The following DHX16 variants were observed in gnomAD, a reference collection of about 807,000 sequenced individuals.
DHX16 encodes the protein DEAH-box helicase 16.
In DHX16, 81 loss-of-function variants were observed where a neutral mutation model predicts 131.2. The ratio of observed to expected loss-of-function variants is 0.62; its 90% CI spans 0.52 to 0.74. The LOEUF (loss-of-function observed/expected upper bound fraction) is 0.74, where lower values mean the gene tolerates loss of function less well. Ranked by LOEUF, DHX16 falls within the 30% of genes least tolerant of loss-of-function variation. DHX16 has a pLI of 0.00. For synonymous variants in DHX16, 440 were observed against 520.2 expected (o/e 0.85, Z 2.10); for missense variants, 980 against 1,363.1 (o/e 0.72, Z 4.43).
intron 4 of DHX16, among the ~76,000 whole-genome samples, chr6:30,669,702 G>GT (rs1769353641): frequency 6.7e-6 from 1 of 148,380 alleles, no homozygotes; most frequent in African/African-American, 2.5e-5. Context: ...TCCAGCCTCG[G>GT]TGACAGGGCA....
Position 30,670,928 on chromosome 6 carries a change from C to T in DHX16, c.471G>A (p.Lys157=), listed in dbSNP as rs1255140068. ...GTTCCCACTCATCTTCCGACTCTGG[C>T]TTCTCTGTCTGCTGTTTACTCCCCC... ...KTGGSKQQTE[K]PESEDEWERT... is the part of the protein sequence containing the mutation. The change falls in exon 3 of 20, where the codon AAG becomes AAA. Residue 157 remains lysine, a synonymous_variant. Transcript: ENST00000376442. This position sits in a 1 kb window ranked among gnomAD's most constrained non-coding sequence, Gnocchi z 4.4. 7 of 1,612,972 alleles carry T rather than the reference C, an allele frequency of 4.3e-6. No homozygotes were observed. The Admixed American group carries it at 1.2e-4, about 27-fold the overall frequency.
intron 7 of DHX16, 22 bp downstream of exon 7, chr6:30,664,779 C>A: frequency 6.3e-7 from 1 of 1,597,058 alleles, no homozygotes; most frequent in Non-Finnish European, 8.6e-7. Flanking sequence ...CCCTGGCAAG[C>A]TGAAGGGTGA....
At chr6:30,657,612 C>T (rs75967608) in intron 12 of DHX16, among the ~76,000 whole-genome samples, 7,339 of 152,150 alleles carry the variant, frequency 0.048, 358 homozygotes, top group African/African-American at 0.12. Flanking sequence ...CTGACCTCAT[C>T]TGCTAGCACT....
chr6:30,660,262 G>C lies in DHX16; in HGVS notation c.1545-20C>G. 1 of 1,514,496 alleles carries C rather than the reference G, an allele frequency of 6.6e-7. No individual in the cohort carries two copies. Among genetic ancestry groups the C allele is most frequent in the Non-Finnish European group, 8.8e-7 (1 of 1,130,640 alleles). 93.8% of individuals were successfully genotyped at this position (1,514,496 alleles called of 1,614,324 possible). The stretch of plus-strand genomic sequence containing the variant: ...ACCACGCTGGGGAGGGAATAGGAGA[G>C]CAATGAGGGAAGAGCGCTAGGCAAT... On this transcript the variant is annotated intron_variant, in intron 9 of 19. Coordinates refer to ENST00000376442, the MANE Select transcript of DHX16 (RefSeq NM_003587.5).
At chr6:30,659,855 G>C (rs1195746720) in intron 10 of DHX16, 21 bp from the exon 11 acceptor site, 1 of 1,611,786 alleles carries the variant, frequency 6.2e-7, no homozygotes, top group South Asian at 1.1e-5. Context: ...GAAAGAGATG[G>C]GGTCACAGGA....
chr6:30,659,450 A>G, intron 12 of DHX16, 22 bp downstream of exon 12: 1 of 1,571,464 alleles, frequency 6.4e-7, no homozygotes, highest in Non-Finnish European at 8.6e-7. Flanking sequence ...AGGGGTGAAG[A>G]GTGTGGGTTT....
chr6:30,665,558 C>A lies in DHX16; in HGVS notation c.842G>T (p.Arg281Leu), dbSNP rs747759140. The A allele has an allele frequency of 6.2e-7, 1 of 1,612,960 alleles. No homozygotes were observed. The highest frequency in any genetic ancestry group is 1.1e-5 in the South Asian group (1 of 91,094). ...KYKRRVRDLA[R>L]EYRAAGEQEK... The stretch of plus-strand genomic sequence containing the variant: ...CTGCTCCCCAGCTGCCCGGTACTCC[C>A]GGGCGAGATCCCGCACTCGCCGCTT... Residue 281 changes from arginine to leucine, a missense_variant, in exon 5 of 20, where the codon CGG becomes CTG. Coordinates refer to ENST00000376442, the MANE Select transcript of DHX16 (RefSeq NM_003587.5). This position sits in a 1 kb window ranked among gnomAD's most constrained non-coding sequence, Gnocchi z 4.8.
At chr6:30,669,744 T>TAAAA (rs953317689) in intron 4 of DHX16, among the ~76,000 whole-genome samples, 4 of 113,812 alleles carry the variant, frequency 3.5e-5, no homozygotes, top group Non-Finnish European at 7.0e-5. Flanking sequence ...AAAAAAGGTT[T>TAAAA]AAAAAAAAAA....
chr6:30,660,193 G>C lies in DHX16; in HGVS notation c.1594C>G (p.Leu532Val), dbSNP rs2127583385. The C allele has an allele frequency of 6.4e-7, 1 of 1,564,982 alleles. No homozygotes were observed. Among genetic ancestry groups the C allele is most frequent in the East Asian group, 2.3e-5 (1 of 44,368 alleles). The change falls in exon 10 of 20, where the codon CTC becomes GTC. Residue 532 changes from leucine (L) to valine (V), a missense_variant. Physicochemically the swap from Leu to Val is conservative, Grantham distance 32. Coordinates refer to ENST00000376442, the MANE Select transcript of DHX16 (RefSeq NM_003587.5). ...AHERTLHTDI[L>V]FGLIKDVARF... ...GCAACATCCTTGATCAATCCAAAGAGAATGTCTGTGTGTAGGGTCCTTTCG... is the reference window on the plus strand; with the variant it reads ...GCAACATCCTTGATCAATCCAAAGACAATGTCTGTGTGTAGGGTCCTTTCG...
Position 30,665,595 on chromosome 6 carries a change from C to T in DHX16, c.805G>A (p.Glu269Lys), listed in dbSNP as rs370408566. Residue 269 changes from glutamate to lysine, a missense_variant, in exon 5 of 20, where the codon GAG becomes AAG. Glu to Lys is a moderately conservative substitution (Grantham distance 56). Coordinates refer to ENST00000376442, the MANE Select transcript of DHX16 (RefSeq NM_003587.5). The surrounding 1 kb of genome is among the most constrained non-coding windows in gnomAD (Gnocchi z 4.8). ...DVELSRHERQ[E>K]LKYKRRVRDL... Reference sequence around the variant, plus strand: ...CGCACTCGCCGCTTATATTTGAGCTCCTGCCGCTCGTGCCGGCTCAGCTCC... The same window carrying T: ...CGCACTCGCCGCTTATATTTGAGCTTCTGCCGCTCGTGCCGGCTCAGCTCC... The T allele has an allele frequency of 2.8e-5, 45 of 1,612,900 alleles. No individual in the cohort carries two copies. The highest frequency in any genetic ancestry group is 3.7e-5 in the Non-Finnish European group (44 of 1,180,030).
chr6:30,654,304 A>G (rs924225188), intron 19 of DHX16, among the ~76,000 whole-genome samples: 1 of 151,956 alleles, frequency 6.6e-6, no homozygotes, highest in African/African-American at 2.4e-5. Context: ...ATGGTGGCTC[A>G]CACCTGTAAT....
Position 30,662,803 on chromosome 6 carries a change from G to A in DHX16, c.1429-61C>T. On this transcript the variant is annotated intron_variant, in intron 8 of 19. Transcript: ENST00000376442. This position sits in a 1 kb window ranked among gnomAD's most constrained non-coding sequence, Gnocchi z 4.7. The stretch of plus-strand genomic sequence containing the variant: ...TGGTGTGCCCTGAAAGGAACTTGGG[G>A]AAAGGTGAAGTGGGGCAGCACCAAG... 2 of 1,572,012 alleles carry A rather than the reference G, an allele frequency of 1.3e-6. No homozygotes were observed. The highest frequency in any genetic ancestry group is 1.7e-5 in the Admixed American group (1 of 59,492).
At chr6:30,668,823 G>C (rs1485764320) in intron 4 of DHX16, among the ~76,000 whole-genome samples, 1 of 152,074 alleles carries the variant, frequency 6.6e-6, no homozygotes, top group Non-Finnish European at 1.5e-5. Flanking sequence ...CCAAAAGTTG[G>C]CCGGGCACGT....
At position 30,665,765 on chromosome 6, in the gene DHX16, C is replaced by A; in HGVS notation, c.667-32G>T. 1.9e-6 allele frequency: 3 copies of A among 1,593,144 alleles called. No homozygotes were observed. The highest frequency in any genetic ancestry group is 2.6e-6 in the Non-Finnish European group (3 of 1,173,580). ...TGGGAAAGGACAGTCGAATCCTCAT[C>A]TTGCTGGAGGAGCAACCCCTTTCTC... On this transcript the variant is annotated intron_variant, in intron 4 of 19. Coordinates refer to ENST00000376442, the MANE Select transcript of DHX16 (RefSeq NM_003587.5). The surrounding 1 kb of genome is among the most constrained non-coding windows in gnomAD (Gnocchi z 4.8).
chr6:30,655,236 A>T lies in DHX16; in HGVS notation c.2762T>A (p.Leu921His), dbSNP rs748615319. The T allele has an allele frequency of 6.2e-7, 1 of 1,614,188 alleles. No individual in the cohort carries two copies. Among genetic ancestry groups the T allele is most frequent in the East Asian group, 2.2e-5 (1 of 44,890 alleles). The change falls in exon 18 of 20, where the codon CTC becomes CAC. Residue 921 changes from leucine (L) to histidine (H), a missense_variant. Physicochemically the swap from Leu to His is moderately conservative, Grantham distance 99. Coordinates refer to ENST00000376442, the MANE Select transcript of DHX16 (RefSeq NM_003587.5). ...ARDVREQLEGLLERVEVGLSS... is the reference protein window; with the variant it reads ...ARDVREQLEGHLERVEVGLSS... ...GAGACCAACTTCCACACGTTCCAAG[A>T]GCCCTTCCAGCTGTTCCCGCACATC...
Position 30,669,686 on chromosome 6 carries a change from T to C in DHX16, c.666+724A>G, listed in dbSNP as rs140981930. Among the ~76,000 whole-genome samples the C allele has an allele frequency of 5.6e-3, 818 of 145,476 alleles. 11 individuals are homozygous for C. Among genetic ancestry groups the C allele is most frequent in the South Asian group, 0.052 (242 of 4,658 alleles). On this transcript the variant is annotated intron_variant, in intron 4 of 19. Transcript: ENST00000376442. ...GTTGCAGTGAGCCGAGATCGCATCA[T>C]TGCACTCCAGCCTCGGTGACAGGGC... is the stretch of plus-strand genomic sequence containing the variant.
At chr6:30,659,444 G>T in intron 12 of DHX16, 28 bp downstream of exon 12, 2 of 1,567,512 alleles carry the variant, frequency 1.3e-6, no homozygotes, top group South Asian at 2.3e-5. Context: ...AAGCATAGGG[G>T]TGAAGAGTGT....
chr6:30,664,980 G>A lies in DHX16; in HGVS notation c.1138C>T (p.Pro380Ser), dbSNP rs572784064. ...QLQGDEEPSA[P>S]PTSTQAQQKE... is the part of the protein sequence containing the mutation. ...TGCTGGGCCTGAGTTGAAGTGGGTG[G>A]AGCTGACGGCTCCTAAGGAAAGAGA... The change falls in exon 7 of 20, where the codon CCA (proline) becomes TCA (serine). Residue 380 changes from proline (P) to serine (S), a missense_variant. Around this residue, in one of 3 missense-constraint regions of DHX16, gnomAD observed 457 missense variants for 554.8 expected, o/e 0.82. Transcript: ENST00000376442. The A allele has an allele frequency of 1.2e-5, 20 of 1,614,044 alleles. No homozygotes were observed. In the South Asian group the frequency reaches 1.4e-4, roughly 12 times the overall value.
chr6:30,661,140 C>T (rs1479122189), intron 9 of DHX16, among the ~76,000 whole-genome samples: 2 of 146,866 alleles, frequency 1.4e-5, no homozygotes, highest in African/African-American at 2.5e-5. Context: ...TACAGTGGCA[C>T]GATCTCGGCT....
Sources: allele counts gnomAD v4.1 joint callset (sites outside exome capture counted in the v4.1 genomes callset), GRCh38; gene constraint gnomAD v4.1.1; regional missense constraint gnomAD v4.1.1; non-coding constraint Gnocchi (gnomAD v3.1); transcripts MANE v1.5; gene names NCBI Gene and HGNC (gene_info 2026-07-23, HGNC 2026-07-21).